XCR1: variants seen among roughly 807,000 people sequenced by gnomAD.
XCR1 encodes the protein X-C motif chemokine receptor 1, also known as chemokine XC receptor 1.
For synonymous variants in XCR1, 187 were observed against 188.5 expected, an observed-to-expected ratio of 0.99 and a Z score of 0.06; for missense variants, 356 against 424.2, an observed-to-expected ratio of 0.84 and a Z score of 1.41.
At chr3:46,045,771 A>G (rs897969849) in intron 5 of XCR1, among the ~76,000 whole-genome samples, 4 of 152,218 alleles carry the variant, frequency 2.6e-5, no homozygotes, top group African/African-American at 9.6e-5. Context: ...GTTGATGGGA[A>G]TGTAAATTAG....
intron 1 of XCR1, among the ~76,000 whole-genome samples, chr3:46,077,236 C>CT (rs1182032730): frequency 7.9e-5 from 12 of 152,156 alleles, no homozygotes; most frequent in African/African-American, 2.9e-4. Flanking sequence ...GTGAGCAAAA[C>CT]TTTATCTGCT....
In XCR1 at chr3:46,021,453, G is replaced by T; in HGVS notation, c.495C>A (p.Thr165=). The T allele has an allele frequency of 6.2e-7, 1 of 1,614,110 alleles. No individual in the cohort carries two copies. The highest frequency in any genetic ancestry group is 1.1e-5 in the South Asian group (1 of 91,070). ...CCGAAGAAAGCACCTTGTGGAAGAT[G>T]GTGTCGAGGATGGAGGACAGGATGC... ...VASILSSILD[T]IFHKVLSSGC... is the part of the protein sequence containing the mutation. The change falls in exon 2 of 2, where the codon ACC becomes ACA. Residue 165 remains threonine, a synonymous_variant. Coordinates refer to ENST00000309285, the MANE Select transcript of XCR1 (RefSeq NM_001024644.2). This position sits in a 1 kb window ranked among gnomAD's most constrained non-coding sequence, Gnocchi z 4.7.
chr3:46,065,713 A>G (rs1453051390), intron 4 of XCR1, among the ~76,000 whole-genome samples: 1 of 152,220 alleles, frequency 6.6e-6, no homozygotes, highest in African/African-American at 2.4e-5. Context: ...TGTCTCAAGC[A>G]GAGCAAATTA....
At position 46,021,561 on chromosome 3, in the gene XCR1, C is replaced by T. The variant is rs527881459; in HGVS notation, c.387G>A (p.Leu129=). The change falls in exon 2 of 2, where the codon CTG becomes CTA. Residue 129 remains leucine (L), a synonymous_variant. Transcript: ENST00000309285. The surrounding 1 kb of genome is among the most constrained non-coding windows in gnomAD (Gnocchi z 4.7). ...GGGTGGAGAGGGGGCTCACTACCGA[C>T]AGGTAGCGGTGGATGGTCATGATGG... The part of the protein sequence containing the change: ...FLTIMTIHRY[L]SVVSPLSTLR... 1 of 1,610,764 alleles carries T rather than the reference C, an allele frequency of 6.2e-7. No individual in the cohort carries two copies. The highest frequency in any genetic ancestry group is 1.3e-5 in the African/African-American group (1 of 74,898).
chr3:46,054,645 C>T (rs544724185), intron 4 of XCR1, among the ~76,000 whole-genome samples: 80 of 151,992 alleles, frequency 5.3e-4, no homozygotes, highest in Non-Finnish European at 9.4e-4. Context: ...ACTGAGATGA[C>T]GAGTATTACC....
intron 4 of XCR1, among the ~76,000 whole-genome samples, chr3:46,055,525 C>A (rs1325110929): frequency 6.6e-6 from 1 of 152,220 alleles, no homozygotes; most frequent in Non-Finnish European, 1.5e-5. Flanking sequence ...CACACTTTGG[C>A]TCACTCCAAA....
At chr3:46,071,744 T>C (rs931833207) in intron 3 of XCR1, among the ~76,000 whole-genome samples, 15 of 152,158 alleles carry the variant, frequency 9.9e-5, no homozygotes, top group Non-Finnish European at 1.6e-4. Flanking sequence ...AAAAACCATC[T>C]GATAAAATTC....
chr3:46,059,849 A>G (rs1697928282), intron 4 of XCR1, among the ~76,000 whole-genome samples: 1 of 152,240 alleles, frequency 6.6e-6, no homozygotes, highest in South Asian at 2.1e-4. Flanking sequence ...ATCTATATCT[A>G]TCTTTACAAT....
At chr3:46,026,352 C>T (rs1708286937) in intron 1 of XCR1, among the ~76,000 whole-genome samples, 1 of 152,116 alleles carries the variant, frequency 6.6e-6, no homozygotes, top group Non-Finnish European at 1.5e-5. Context: ...CTCTCTCCCT[C>T]CCCATCTCTG....
intron 1 of XCR1, chr3:46,023,626 GGCCAGA>G: frequency 7.4e-7 from 1 of 1,345,138 alleles, no homozygotes; most frequent in South Asian, 1.2e-5. Context: ...GGATGCGGAG[GGCCAGA>G]GCCCCCTTTC....
At chr3:46,066,358 C>T (rs112702552) in intron 4 of XCR1, among the ~76,000 whole-genome samples, 20,003 of 152,180 alleles carry the variant, frequency 0.13, 4,418 homozygotes, top group African/African-American at 0.45. Context: ...GATTCTCCTG[C>T]TTCAGCCTTC....
intron 5 of XCR1, among the ~76,000 whole-genome samples, chr3:46,048,263 C>T (rs190468155): frequency 5.3e-5 from 8 of 152,218 alleles, no homozygotes; most frequent in Admixed American, 2.0e-4. Context: ...AAGTACAGGT[C>T]GTACTGCTGG....
rs1463671014 is a variant in XCR1, at chr3:46,018,086, G to A, written c.*2860C>T. ...TGGGTTCTTGAGGAGCTAGATTAGG[G>A]GAAGACTCCTGATTAAAGACTGCCT... On this transcript the variant is annotated 3_prime_UTR_variant, in exon 2 of 2. Transcript: ENST00000309285. The A allele has an allele frequency of 6.6e-6, 1 of 152,202 alleles. No individual in the cohort carries two copies. The highest frequency in any genetic ancestry group is 6.5e-5 in the Admixed American group (1 of 15,282). 9.4% of individuals were successfully genotyped at this position (152,202 alleles called of 1,614,324 possible).
At chr3:46,057,265 A>G (rs1250181760) in intron 4 of XCR1, among the ~76,000 whole-genome samples, 1 of 152,164 alleles carries the variant, frequency 6.6e-6, no homozygotes, top group East Asian at 1.9e-4. Context: ...ACCTGGCTTG[A>G]TTCCATTTAT....
rs568560427 is a variant in XCR1, at chr3:46,045,095, A to T, written c.-32+8825T>A. Among the ~76,000 whole-genome samples, 131 of 152,336 alleles carry T rather than the reference A, an allele frequency of 8.6e-4. 1 individual carries two copies. In the South Asian group the frequency reaches 0.019, roughly 22 times the overall value. On this transcript the variant is annotated intron_variant, in intron 5 of 5. Coordinates refer to the XCR1 transcript ENST00000683768. Reference sequence around the variant, plus strand: ...CATAAACATAGACGCAAAAAGCCTCAAAAATATTGTCAAAAAAAACCCCTA... The same window carrying T: ...CATAAACATAGACGCAAAAAGCCTCTAAAATATTGTCAAAAAAAACCCCTA...
At chr3:46,022,021 G>A (rs1708167280) in intron 1 of XCR1, 43 bp from the exon 2 acceptor site, 6 of 1,501,338 alleles carry the variant, frequency 4.0e-6, no homozygotes, top group Non-Finnish European at 4.5e-6. Flanking sequence ...TGTGGTGGCT[G>A]GGTACAGTGG....
At chr3:46,075,271 C>A (rs1028045713) in intron 2 of XCR1, among the ~76,000 whole-genome samples, 2 of 105,642 alleles carry the variant, frequency 1.9e-5, no homozygotes, top group African/African-American at 3.8e-5. Context: ...ATAGTCTTTT[C>A]AACAAATAGT....
intron 4 of XCR1, among the ~76,000 whole-genome samples, chr3:46,054,148 C>T (rs946208986): frequency 1.3e-5 from 2 of 152,120 alleles, no homozygotes; most frequent in Non-Finnish European, 2.9e-5. Flanking sequence ...CAGGGAGCAC[C>T]TTGCCTCTAG....
chr3:46,071,738 A>G (rs540850170), intron 3 of XCR1, among the ~76,000 whole-genome samples: 1 of 152,242 alleles, frequency 6.6e-6, no homozygotes, highest in African/African-American at 2.4e-5. Flanking sequence ...ATATAGAAAA[A>G]CCATCTGATA....
Sources: gnomAD v4.1 joint callset for allele counts (sites outside exome capture counted in the v4.1 genomes callset) on GRCh38, gnomAD v4.1.1 for gene constraint, Gnocchi (gnomAD v3.1) non-coding constraint, MANE v1.5 for transcripts, NCBI Gene and HGNC (gene_info 2026-07-23, HGNC 2026-07-21) for gene names.